The following CDH17 variants were observed in gnomAD, a reference collection of about 807,000 sequenced individuals.
CDH17 encodes the protein cadherin-17.
A neutral mutation model predicts 86.3 loss-of-function variants in CDH17; 67 were observed. The observed-to-expected ratio is 0.78, with a 90% CI of 0.64 to 0.95. CDH17 has a LOEUF of 0.95. Ranked by LOEUF, CDH17 falls within the 40% of genes least tolerant of loss-of-function variation. CDH17 has a pLI of 0.00. For missense variants in CDH17, 993 were observed against 1,017.6 expected (o/e 0.98, Z 0.33); for synonymous variants, 367 against 366.4 (o/e 1.00, Z -0.02).
At chr8:94,203,613 C>T (rs900402637) in intron 1 of CDH17, among the ~76,000 whole-genome samples, 21 of 152,318 alleles carry the variant, frequency 1.4e-4, no homozygotes, top group African/African-American at 4.8e-4. Flanking sequence ...ATCTCTGGCA[C>T]CAATTGCATC....
chr8:94,147,898 C>T (rs2130595747), intron 14 of CDH17, among the ~76,000 whole-genome samples: 2 of 152,306 alleles, frequency 1.3e-5, no homozygotes, highest in Admixed American at 1.3e-4. Flanking sequence ...CCCTTGTTCA[C>T]CCAAACCTAT....
intron 5 of CDH17, among the ~76,000 whole-genome samples, chr8:94,175,768 T>A (rs1470703991): frequency 6.6e-6 from 1 of 152,134 alleles, no homozygotes; most frequent in African/African-American, 2.4e-5. Context: ...AGAAAAGAGC[T>A]GGAAACCACC....
chr8:94,139,456 G>A (rs1023055497), intron 15 of CDH17, among the ~76,000 whole-genome samples: 2 of 152,112 alleles, frequency 1.3e-5, no homozygotes, highest in Non-Finnish European at 2.9e-5. Context: ...CAAATCCTCA[G>A]ATCCAAGATG....
chr8:94,150,246 G>T (rs1023396322), intron 13 of CDH17, among the ~76,000 whole-genome samples: 9 of 152,154 alleles, frequency 5.9e-5, no homozygotes, highest in Non-Finnish European at 1.3e-4. Context: ...TGATCTGATT[G>T]ACTTTTTTAA....
chr8:94,132,475 G>C (rs1208527197), intron 15 of CDH17, among the ~76,000 whole-genome samples: 1 of 152,210 alleles, frequency 6.6e-6, no homozygotes, highest in Non-Finnish European at 1.5e-5. Flanking sequence ...TGTCTTTTGA[G>C]AAGTGTCTGT....
In CDH17 at chr8:94,194,622, C is replaced by A. The variant is rs775838339; in HGVS notation, c.51+13G>T. 1.7e-5 allele frequency: 26 copies of A among 1,552,418 alleles called. No individual in the cohort carries two copies. Among genetic ancestry groups the A allele is most frequent in the Non-Finnish European group, 2.1e-5 (24 of 1,126,064 alleles). On this transcript the variant is annotated intron_variant, in intron 2 of 17. Coordinates refer to ENST00000027335, the MANE Select transcript of CDH17 (RefSeq NM_004063.4). The stretch of plus-strand genomic sequence containing the variant: ...CTAGTAAACAAATAGAGAAGAACAC[C>A]CTCTTCTCTTACCAAATAAAGCATA...
chr8:94,173,779 C>T lies in CDH17; in HGVS notation c.783+18G>A, dbSNP rs1318781527. On this transcript the variant is annotated intron_variant, in intron 7 of 17. Transcript: ENST00000027335. ...TTTATCTAGTTGGCTCTCAGTGTTA[C>T]TTGGGCTTGGGTACTACCTGAGTGA... The T allele has an allele frequency of 1.9e-6, 3 of 1,605,196 alleles. No individual in the cohort carries two copies. The highest frequency in any genetic ancestry group is 2.6e-6 in the Non-Finnish European group (3 of 1,172,464).
chr8:94,168,143 T>C (rs189445753), intron 9 of CDH17, among the ~76,000 whole-genome samples: 3,137 of 101,320 alleles, frequency 0.031, 351 homozygotes, highest in African/African-American at 0.18. Flanking sequence ...TATATATATA[T>C]ATATATATAT....
chr8:94,192,590 T>TA (rs1360286618), intron 2 of CDH17, among the ~76,000 whole-genome samples: 1 of 152,194 alleles, frequency 6.6e-6, no homozygotes, highest in African/African-American at 2.4e-5. Flanking sequence ...ACCACATTGT[T>TA]ACTGCCTTCC....
intron 11 of CDH17, among the ~76,000 whole-genome samples, chr8:94,161,349 A>G (rs1201395663): frequency 6.6e-6 from 1 of 152,036 alleles, no homozygotes; most frequent in African/African-American, 2.4e-5. Flanking sequence ...GCTTGTCCCT[A>G]TTTTGATTTA....
chr8:94,170,639 C>T (rs1813251488), intron 8 of CDH17, 92 bp from the exon 9 acceptor site: 5 of 1,437,478 alleles, frequency 3.5e-6, no homozygotes, highest in Non-Finnish European at 3.8e-6. Flanking sequence ...ATGTCATTTA[C>T]TCCCTTATTT....
chr8:94,161,143 T>TA (rs1813043469), intron 11 of CDH17, among the ~76,000 whole-genome samples: 1 of 152,124 alleles, frequency 6.6e-6, no homozygotes, highest in Non-Finnish European at 1.5e-5. Flanking sequence ...ACCCTCAATC[T>TA]AAAAAACACT....
chr8:94,185,304 C>T (rs1216126903), intron 3 of CDH17, among the ~76,000 whole-genome samples: 1 of 151,870 alleles, frequency 6.6e-6, no homozygotes, highest in East Asian at 1.9e-4. Flanking sequence ...CACACACACA[C>T]ACACACACAC....
chr8:94,155,003 T>G (rs1211061120), intron 12 of CDH17, among the ~76,000 whole-genome samples: 4 of 152,074 alleles, frequency 2.6e-5, no homozygotes, highest in African/African-American at 9.7e-5. Context: ...CTCTAGTTCA[T>G]AAGTGCTGTG....
intron 15 of CDH17, among the ~76,000 whole-genome samples, chr8:94,139,275 TATAGAA>T (rs1246036365): frequency 3.3e-5 from 5 of 151,928 alleles, no homozygotes; most frequent in Admixed American, 6.6e-5. Context: ...AACTTGAAGA[TATAGAA>T]ATAAAGCTAT....
intron 17 of CDH17, 113 bp from the exon 18 acceptor site, chr8:94,128,453 T>C: frequency 2.9e-6 from 2 of 678,920 alleles, no homozygotes; most frequent in South Asian, 1.8e-5. Context: ...CATTTTTGTA[T>C]GTGATTCAAC....
intron 15 of CDH17, among the ~76,000 whole-genome samples, chr8:94,135,779 C>A (rs978952015): frequency 1.3e-5 from 2 of 152,156 alleles, no homozygotes; most frequent in African/African-American, 2.4e-5. Flanking sequence ...CATGTTTTTG[C>A]AGTGGCTGGT....
Position 94,148,865 on chromosome 8 carries a change from C to T in CDH17, c.1806G>A (p.Leu602=), listed in dbSNP as rs1428752722. Residue 602 remains leucine, a synonymous_variant, in exon 14 of 18, where the codon CTG becomes CTA. Coordinates refer to ENST00000027335, the MANE Select transcript of CDH17 (RefSeq NM_004063.4). ...DPEGLDISYS[L]RGDTRGWLKI... ...TAAGCCAACCTCTTGTGTCTCCCCT[C>T]AGTGAATAGCTTCATCAAATGAAAA... 1.2e-6 allele frequency: 2 copies of T among 1,606,140 alleles called. No homozygotes were observed. Among genetic ancestry groups the T allele is most frequent in the Non-Finnish European group, 1.7e-6 (2 of 1,177,596 alleles).
Position 94,205,916 on chromosome 8 carries a change from G to A in CDH17, c.-21+2567C>T, listed in dbSNP as rs145216869. ...CCACTCTGCTAGATGGCCTCTTGGT[G>A]AGGAAGAGAACTCATCTTTAGCTTA... On this transcript the variant is annotated intron_variant, in intron 1 of 17. Transcript: ENST00000027335. Among the ~76,000 whole-genome samples, 236 of 152,250 alleles carry A rather than the reference G, an allele frequency of 1.6e-3. 3 individuals carry two copies. The highest frequency in any genetic ancestry group is 2.7e-3 in the Non-Finnish European group (184 of 68,012).
Sources: allele counts gnomAD v4.1 joint callset (sites outside exome capture counted in the v4.1 genomes callset), GRCh38; gene constraint gnomAD v4.1.1; transcripts MANE v1.5; gene names NCBI Gene and HGNC (gene_info 2026-07-23, HGNC 2026-07-21).